PHLDB2: variants seen among roughly 807,000 people sequenced by gnomAD.
The protein encoded by PHLDB2 is pleckstrin homology like domain family B member 2.
A neutral mutation model predicts 123.6 loss-of-function variants in PHLDB2; 71 were observed. The observed-to-expected ratio is 0.57, with a 90% confidence interval of 0.47 to 0.70. The LOEUF (loss-of-function observed/expected upper bound fraction) is 0.70, where lower values mean the gene tolerates loss of function less well. PHLDB2 is among the 30% of genes least tolerant of loss of function. The pLI is 0.00. For synonymous variants in PHLDB2, 547 were observed against 541.6 expected (o/e 1.01, Z -0.14); for missense variants, 1,446 against 1,519.5 (o/e 0.95, Z 0.80).
intron 1 of PHLDB2, among the ~76,000 whole-genome samples, chr3:111,745,790 AAAAGAAAAGAGAAAGAAAGAAG>A (rs891989741): frequency 1.6e-5 from 2 of 127,342 alleles, no homozygotes; most frequent in African/African-American, 2.6e-5. Flanking sequence ...GAAAGAAAAG[AAAAGAAAAGAGAAAGAAAGAAG>A]AAAGAAAAGA....
intron 1 of PHLDB2, among the ~76,000 whole-genome samples, chr3:111,811,005 T>A (rs757095201): frequency 5.3e-5 from 8 of 152,140 alleles, no homozygotes; most frequent in Non-Finnish European, 1.2e-4. Context: ...CCCAGATACA[T>A]GCTCCATGAA....
At position 111,953,952 on chromosome 3, in the gene PHLDB2, G is replaced by A. The variant is rs145297456; in HGVS notation, c.2795G>A (p.Ser932Asn). 1.2e-6 allele frequency: 2 copies of A among 1,613,730 alleles called. No homozygotes were observed. The highest frequency in any genetic ancestry group is 2.2e-5 in the East Asian group (1 of 44,846). Residue 932 changes from serine to asparagine, a missense_variant, in exon 12 of 18, where the codon AGT becomes AAT. Transcript: ENST00000431670. ...CAGGCCCATCTGCCCCTAGGACAGA[G>A]TAACAGCTGTGGAAGTGTGCTCCCT... ...TPKAHLPLGQ[S>N]NSCGSVLPPS... is the part of the protein sequence containing the mutation.
upstream of PHLDB2, among the ~76,000 whole-genome samples, chr3:111,858,436 G>A (rs2064619898): frequency 6.6e-6 from 1 of 152,124 alleles, no homozygotes; most frequent in Non-Finnish European, 1.5e-5. Context: ...AAACCTGCAC[G>A]TTCTGCACAT....
chr3:111,878,249 C>T (rs2065748315), intron 1 of PHLDB2, among the ~76,000 whole-genome samples: 1 of 152,142 alleles, frequency 6.6e-6, no homozygotes, highest in Non-Finnish European at 1.5e-5. Flanking sequence ...TTGTAGTTCT[C>T]CTTGAAGAGG....
rs1447986424 is a variant in PHLDB2, at chr3:111,884,689, C to T, written c.612C>T (p.Ser204=). The part of the protein sequence containing the change: ...SRSGAASMPS[S]PKQARKMSIQ... ...CGGGAGCCGCAAGCATGCCTTCAAGCCCAAAGCAAGCCAGGAAAATGAGCA... is the reference window on the plus strand; with the variant it reads ...CGGGAGCCGCAAGCATGCCTTCAAGTCCAAAGCAAGCCAGGAAAATGAGCA... Residue 204 remains serine, a synonymous_variant, in exon 2 of 18, where the codon AGC becomes AGT. Coordinates refer to ENST00000431670, the MANE Select transcript of PHLDB2 (RefSeq NM_001134438.2). The T allele has an allele frequency of 9.3e-6, 15 of 1,614,134 alleles. No homozygotes were observed. Among genetic ancestry groups the T allele is most frequent in the Non-Finnish European group, 1.3e-5 (15 of 1,180,026 alleles).
chr3:111,779,125 T>G (rs752555160), intron 1 of PHLDB2, among the ~76,000 whole-genome samples: 10 of 152,062 alleles, frequency 6.6e-5, no homozygotes, highest in Non-Finnish European at 1.5e-4. Flanking sequence ...AGTTCCCATG[T>G]GATGTTGATG....
rs1469484263 is a variant in PHLDB2 at position 111,737,666 on chromosome 3, A to G, written c.-49+4963A>G. Among the ~76,000 whole-genome samples, 2 of 150,540 alleles carry G rather than the reference A, an allele frequency of 1.3e-5. 1 individual carries two copies. Among genetic ancestry groups the G allele is most frequent in the East Asian group, 3.9e-4 (2 of 5,140 alleles). On this transcript the variant is annotated intron_variant, in intron 1 of 17. Coordinates refer to the PHLDB2 transcript ENST00000393923. ...GTTTGAATGTGCAATTTCACTGTGC[A>G]CTGAGGTAACCCCCACAAAGTCTTT... is the stretch of plus-strand genomic sequence containing the variant.
chr3:111,767,267 T>G (rs549823221), intron 1 of PHLDB2, among the ~76,000 whole-genome samples: 68 of 152,178 alleles, frequency 4.5e-4, no homozygotes, highest in African/African-American at 1.6e-3. Flanking sequence ...ACAGAAGGAT[T>G]TGGGTACAGA....
intron 7 of PHLDB2, among the ~76,000 whole-genome samples, chr3:111,939,989 T>C (rs1385365214): frequency 6.6e-6 from 1 of 152,150 alleles, no homozygotes; most frequent in Non-Finnish European, 1.5e-5. Flanking sequence ...GCTCAGTAGT[T>C]CTCAAAACTG....
chr3:111,785,837 C>G (rs2060659330), intron 1 of PHLDB2, among the ~76,000 whole-genome samples: 1 of 152,150 alleles, frequency 6.6e-6, no homozygotes, highest in African/African-American at 2.4e-5. Flanking sequence ...GGTGGTGGTT[C>G]AGGAAACCAT....
At chr3:111,742,365 G>T (rs547122530) in intron 1 of PHLDB2, among the ~76,000 whole-genome samples, 1 of 151,962 alleles carries the variant, frequency 6.6e-6, no homozygotes, top group Non-Finnish European at 1.5e-5. Context: ...CAACGTGCAG[G>T]TTTGTTACAC....
intron 5 of PHLDB2, among the ~76,000 whole-genome samples, chr3:111,926,536 A>G (rs563611172): frequency 1.3e-5 from 2 of 149,338 alleles, no homozygotes; most frequent in Admixed American, 6.7e-5. Context: ...GCTTGAGGCT[A>G]TTTTTTTTCT....
chr3:111,859,505 G>C lies in PHLDB2; in HGVS notation c.-86G>C. On this transcript the variant is annotated 5_prime_UTR_variant, in exon 1 of 18. Coordinates refer to ENST00000431670, the MANE Select transcript of PHLDB2 (RefSeq NM_001134438.2). ...CCCGAGGGGGACCCGACGGGGGCCC[G>C]ACGGTGTGGCGTGGCGCAAGGAGCG... 1.0e-6 allele frequency: 1 copy of C among 985,638 alleles called. No homozygotes were observed. The highest frequency in any genetic ancestry group is 1.2e-6 in the Non-Finnish European group (1 of 830,072). 61.1% of individuals were successfully genotyped at this position (985,638 alleles called of 1,614,324 possible). A position where few individuals can be genotyped will look rare whatever the true frequency, so the allele number is the denominator to read the frequency against.
rs1316720660 is a variant in PHLDB2, at chr3:111,967,905, G to T, written c.3315+81G>T. 6 of 1,290,300 alleles carry T rather than the reference G, an allele frequency of 4.7e-6. No homozygotes were observed. In the Admixed American group the frequency reaches 8.6e-5, roughly 19 times the overall value. The allele number at this position is 1,290,300 out of a possible 1,614,324, so 79.9% of individuals were successfully genotyped here. ...AGAAGACAGCTGTTCTGTGTCTGAG[G>T]ATGCTTTCCTGGGCACTGAGCATTA... On this transcript the variant is annotated intron_variant, in intron 15 of 17. Coordinates refer to ENST00000431670, the MANE Select transcript of PHLDB2 (RefSeq NM_001134438.2).
rs151257827 is a variant in PHLDB2 at position 111,939,519 on chromosome 3, G to A, written c.2175G>A (p.Leu725=). 8.1e-6 allele frequency: 13 copies of A among 1,613,514 alleles called. No individual in the cohort carries two copies. Among genetic ancestry groups the A allele is most frequent in the African/African-American group, 4.0e-5 (3 of 74,890 alleles). ...TTGAAAGCAAACACTTTGAAGACCT[G>A]GAGTTCCAGCAGCTTGAACATGAGA... ...LDVESKHFED[L]EFQQLEHESR... The change falls in exon 7 of 18, where the codon CTG becomes CTA. Residue 725 remains leucine (L), a synonymous_variant. Transcript: ENST00000431670.
rs564331695 is a variant in PHLDB2 at position 111,840,002 on chromosome 3, C to A, written c.-48-5819C>A. ...GTGGCTCATGCCTGTAATCCCAGCA[C>A]TTCGGGAGGCTGAGGCAGCAGAATT... On this transcript the variant is annotated intron_variant, in intron 1 of 17. Transcript: ENST00000393923. Among the ~76,000 whole-genome samples, 320 of 126,440 alleles carry A rather than the reference C, an allele frequency of 2.5e-3. 1 individual carries two copies. The highest frequency in any genetic ancestry group is 8.0e-3 in the African/African-American group (268 of 33,688). The allele number at this position is 126,440 out of a possible 152,430, so 82.9% of individuals were successfully genotyped here.
chr3:111,892,634 A>C (rs2066569754), intron 2 of PHLDB2, among the ~76,000 whole-genome samples: 1 of 152,188 alleles, frequency 6.6e-6, no homozygotes, highest in South Asian at 2.1e-4. Context: ...CAGAAAGGGG[A>C]AATTCTTTTC....
chr3:111,768,341 A>G (rs963921375), intron 1 of PHLDB2, among the ~76,000 whole-genome samples: 5 of 152,218 alleles, frequency 3.3e-5, no homozygotes, highest in Admixed American at 6.5e-5. Context: ...TTGCCTACCT[A>G]TAGTTTGTAA....
intron 1 of PHLDB2, among the ~76,000 whole-genome samples, chr3:111,766,980 G>A (rs1576543603): frequency 7.4e-6 from 1 of 135,532 alleles, no homozygotes; most frequent in Admixed American, 8.2e-5. Flanking sequence ...GCAGTGAGCC[G>A]AGATTGTGCC....
Sources: gnomAD v4.1 joint callset for allele counts (sites outside exome capture counted in the v4.1 genomes callset) on GRCh38, gnomAD v4.1.1 for gene constraint, MANE v1.5 for transcripts, NCBI Gene and HGNC (gene_info 2026-07-23, HGNC 2026-07-21) for gene names.